The following CDH9 variants were observed in gnomAD, a reference collection of about 807,000 sequenced individuals.
CDH9 encodes the protein cadherin-9.
A neutral mutation model predicts 70.9 loss-of-function variants in CDH9; 28 were observed. The ratio of observed to expected loss-of-function variants is 0.40; its 90% CI spans 0.29 to 0.54. CDH9 has a LOEUF of 0.54. Ranked by LOEUF, CDH9 falls within the 20% of genes least tolerant of loss-of-function variation. CDH9 has a pLI of 0.59. For synonymous variants in CDH9, 409 were observed against 343.1 expected (o/e 1.19, Z -2.12); for missense variants, 874 against 984.4 (o/e 0.89, Z 1.50).
At chr5:27,000,654 A>C (rs1742751616) in intron 1 of CDH9, among the ~76,000 whole-genome samples, 1 of 152,160 alleles carries the variant, frequency 6.6e-6, no homozygotes, top group African/African-American at 2.4e-5. Flanking sequence ...AGGAAAACTT[A>C]CGTATTAATG....
chr5:26,936,863 G>A (rs200318734), intron 2 of CDH9, among the ~76,000 whole-genome samples: 178 of 120,270 alleles, frequency 1.5e-3, no homozygotes, highest in African/African-American at 3.3e-3. Context: ...ACACACACAC[G>A]CACACACACA....
chr5:26,961,414 T>G (rs1437363294), intron 2 of CDH9, among the ~76,000 whole-genome samples: 1 of 152,080 alleles, frequency 6.6e-6, no homozygotes, highest in Non-Finnish European at 1.5e-5. Context: ...CACCCCTCAA[T>G]GGTTATAATT....
chr5:26,944,506 A>T (rs1741714525), intron 2 of CDH9, among the ~76,000 whole-genome samples: 1 of 152,086 alleles, frequency 6.6e-6, no homozygotes, highest in African/African-American at 2.4e-5. Context: ...TAAAAACATT[A>T]GCTGGGCATA....
At chr5:26,915,261 C>T (rs1427184023) in intron 3 of CDH9, among the ~76,000 whole-genome samples, 1 of 151,968 alleles carries the variant, frequency 6.6e-6, no homozygotes, top group African/African-American at 2.4e-5. Flanking sequence ...CAAATGCAAG[C>T]ATTGTTATTC....
intron 2 of CDH9, among the ~76,000 whole-genome samples, chr5:26,986,986 C>T (rs553898499): frequency 6.6e-6 from 1 of 151,648 alleles, no homozygotes; most frequent in Non-Finnish European, 1.5e-5. Context: ...TTGGCCCACA[C>T]ACAGAAAGAA....
intron 2 of CDH9, among the ~76,000 whole-genome samples, chr5:26,951,594 A>AC (rs1333799937): frequency 2.2e-4 from 33 of 152,318 alleles, no homozygotes; most frequent in African/African-American, 7.2e-4. Flanking sequence ...TTACTTGGGG[A>AC]CCTGTTCTTT....
intron 1 of CDH9, among the ~76,000 whole-genome samples, chr5:27,015,872 C>T (rs564939208): frequency 1.3e-5 from 2 of 151,742 alleles, no homozygotes; most frequent in Non-Finnish European, 3.0e-5. Flanking sequence ...TCATTATCTC[C>T]TGATAATGAC....
intron 2 of CDH9, among the ~76,000 whole-genome samples, chr5:26,947,499 T>A (rs991439767): frequency 2.0e-5 from 3 of 152,184 alleles, no homozygotes; most frequent in Admixed American, 2.0e-4. Context: ...CCTCTTGAGT[T>A]TTTGACACCA....
intron 2 of CDH9, among the ~76,000 whole-genome samples, chr5:26,957,534 C>T (rs191975045): frequency 1.3e-5 from 2 of 151,956 alleles, no homozygotes; most frequent in East Asian, 1.9e-4. Flanking sequence ...TGGAGGTATG[C>T]GCCTGTAATC....
intron 1 of CDH9, among the ~76,000 whole-genome samples, chr5:27,031,760 G>A (rs1440864742): frequency 6.6e-6 from 1 of 151,886 alleles, no homozygotes; most frequent in African/African-American, 2.4e-5. Context: ...ACGGTTGTGT[G>A]ACTGTGCTAC....
chr5:26,997,277 G>GTA (rs1742682683), intron 1 of CDH9, among the ~76,000 whole-genome samples: 3 of 150,702 alleles, frequency 2.0e-5, no homozygotes, highest in Admixed American at 6.6e-5. Flanking sequence ...ATATATGTAT[G>GTA]TGTGTGTGTG....
chr5:26,891,252 C>T (rs1740655097), intron 7 of CDH9, among the ~76,000 whole-genome samples: 3 of 152,094 alleles, frequency 2.0e-5, no homozygotes, highest in Non-Finnish European at 4.4e-5. Context: ...TACCCTAATC[C>T]CCAGAACCTG....
intron 2 of CDH9, among the ~76,000 whole-genome samples, chr5:26,963,537 G>GAATA (rs1436601298): frequency 6.6e-6 from 1 of 151,868 alleles, no homozygotes. Context: ...AGCACCAAAT[G>GAATA]AATACATAAG....
At chr5:26,998,544 C>A (rs1252860382) in intron 1 of CDH9, among the ~76,000 whole-genome samples, 1 of 151,254 alleles carries the variant, frequency 6.6e-6, no homozygotes, top group Admixed American at 6.6e-5. Context: ...AACACATGGA[C>A]ACAGGAAGGG....
rs553996169 is a variant in CDH9 at position 26,969,499 on chromosome 5, A to G, written c.228+18607T>C. 1.8e-4 allele frequency among the ~76,000 whole-genome samples: 27 copies of G among 152,256 alleles called. No individual in the cohort carries two copies. In the South Asian group the frequency reaches 2.9e-3, roughly 16 times the overall value. On this transcript the variant is annotated intron_variant, in intron 2 of 11. Transcript: ENST00000231021. ...ATGATGATCATTTCAAATGTTTGAAAAATCAGTGTGATAAATTGAATCATG... is the reference window on the plus strand; with the variant it reads ...ATGATGATCATTTCAAATGTTTGAAGAATCAGTGTGATAAATTGAATCATG...
intron 2 of CDH9, among the ~76,000 whole-genome samples, chr5:26,957,002 C>CTT (rs5866813): frequency 0.011 from 1,547 of 138,822 alleles, 16 homozygotes; most frequent in East Asian, 0.041. Flanking sequence ...TTTCCATGTG[C>CTT]TTTTTTTTTT....
chr5:26,967,154 A>G (rs1360446128), intron 2 of CDH9, among the ~76,000 whole-genome samples: 5 of 151,710 alleles, frequency 3.3e-5, no homozygotes. Flanking sequence ...GGTTCTCACT[A>G]CCTTTCCCAG....
At chr5:26,919,459 T>C (rs1352059335) in intron 2 of CDH9, among the ~76,000 whole-genome samples, 2 of 152,156 alleles carry the variant, frequency 1.3e-5, no homozygotes, top group Non-Finnish European at 2.9e-5. Context: ...TAAAGGGTTC[T>C]GGGGCCTAAA....
intron 11 of CDH9, among the ~76,000 whole-genome samples, chr5:26,885,015 A>T (rs577293309): frequency 6.6e-6 from 1 of 152,328 alleles, no homozygotes; most frequent in South Asian, 2.1e-4. Context: ...ACCAATGCAC[A>T]ACAAGTTATA....
Sources: allele counts gnomAD v4.1 joint callset (sites outside exome capture counted in the v4.1 genomes callset), GRCh38; gene constraint gnomAD v4.1.1; transcripts MANE v1.5; gene names NCBI Gene and HGNC (gene_info 2026-07-23, HGNC 2026-07-21).